Variants in AFF1 observed in about 807,000 individuals in gnomAD.
AFF1 encodes ALF transcription elongation factor 1.
In AFF1, 48 loss-of-function variants were observed where a neutral mutation model predicts 121.7. The ratio of observed to expected loss-of-function variants is 0.39; its 90% confidence interval spans 0.31 to 0.50. The LOEUF (loss-of-function observed/expected upper bound fraction) is 0.50. Ranked by LOEUF, AFF1 falls within the 20% of genes least tolerant of loss-of-function variation. The probability of loss-of-function intolerance (pLI) is 0.76; values close to 1 mark genes in which losing one functional copy is unlikely to be tolerated. For missense variants in AFF1, 1,523 were observed against 1,511.7 expected (o/e 1.01, Z -0.12); for synonymous variants, 613 against 563.0 (o/e 1.09, Z -1.26).
At chr4:87,049,691 C>G (rs1281543004) in intron 4 of AFF1, 1 of 456,214 alleles carries the variant, frequency 2.2e-6, no homozygotes, top group South Asian at 1.5e-5. Context: ...TCCCTCTGGT[C>G]TCGGCCCGAG....
chr4:86,993,645 A>G (rs1724894433), intron 2 of AFF1, among the ~76,000 whole-genome samples: 1 of 152,164 alleles, frequency 6.6e-6, no homozygotes, highest in South Asian at 2.1e-4. Context: ...CAATGAGTAT[A>G]TGAATCACCT....
chr4:87,134,910 A>G (rs775452614), intron 20 of AFF1, among the ~76,000 whole-genome samples: 76 of 152,192 alleles, frequency 5.0e-4, no homozygotes, highest in Non-Finnish European at 8.8e-4. Flanking sequence ...GATCTTAGCA[A>G]AACCAAAATA....
intron 2 of AFF1, among the ~76,000 whole-genome samples, chr4:87,022,331 C>CA (rs1727985436): frequency 1.3e-5 from 2 of 150,776 alleles, no homozygotes; most frequent in Non-Finnish European, 2.9e-5. Context: ...AGGTAGTTAA[C>CA]AGAGATATTA....
intron 1 of AFF1, among the ~76,000 whole-genome samples, chr4:86,938,087 C>CT (rs907436390): frequency 2.0e-5 from 3 of 152,154 alleles, no homozygotes; most frequent in Non-Finnish European, 4.4e-5. Flanking sequence ...TCCTTTATTT[C>CT]AAGGCTCTAG....
At chr4:86,984,064 G>A (rs1450106220) in intron 2 of AFF1, among the ~76,000 whole-genome samples, 2 of 151,984 alleles carry the variant, frequency 1.3e-5, no homozygotes, top group East Asian at 1.9e-4. Context: ...AAAAAGAAAT[G>A]CTTTGCCAAT....
intron 1 of AFF1, among the ~76,000 whole-genome samples, chr4:86,939,022 A>G (rs1720256271): frequency 6.6e-6 from 1 of 152,276 alleles, no homozygotes; most frequent in Non-Finnish European, 1.5e-5. Context: ...CATCATTAAT[A>G]TAGTATCTCA....
chr4:87,092,484 G>A (rs1724415655), intron 7 of AFF1, among the ~76,000 whole-genome samples: 1 of 152,122 alleles, frequency 6.6e-6, no homozygotes, highest in Non-Finnish European at 1.5e-5. Flanking sequence ...TTTTTATAAG[G>A]AATATGACAT....
At chr4:86,938,187 C>G (rs933909849) in intron 1 of AFF1, among the ~76,000 whole-genome samples, 2 of 152,068 alleles carry the variant, frequency 1.3e-5, no homozygotes, top group South Asian at 2.1e-4. Context: ...TGGTGGCTCA[C>G]GCCTGTAATC....
intron 5 of AFF1, among the ~76,000 whole-genome samples, chr4:87,085,841 C>G (rs566432608): frequency 1.3e-5 from 2 of 151,168 alleles, no homozygotes; most frequent in African/African-American, 4.9e-5. Context: ...TGGGTTCAAG[C>G]GATTCTTGTG....
intron 2 of AFF1, among the ~76,000 whole-genome samples, chr4:86,992,286 A>G (rs1315523651): frequency 6.6e-6 from 1 of 152,142 alleles, no homozygotes; most frequent in Non-Finnish European, 1.5e-5. Flanking sequence ...GGATGGTGAC[A>G]TTGTACTTGG....
intron 2 of AFF1, chr4:86,949,541 T>TA (rs61382977): frequency 0.31 from 60,667 of 195,096 alleles, 9,054 homozygotes; most frequent in South Asian, 0.38. Flanking sequence ...ATTATTATTT[T>TA]TTTTTTTTTT....
intron 15 of AFF1, 62 bp downstream of exon 15, chr4:87,127,179 A>G (rs1340176620): frequency 2.0e-6 from 2 of 1,023,908 alleles, no homozygotes; most frequent in Admixed American, 2.2e-5. Flanking sequence ...CCCCCCCACC[A>G]AGATAGAGTC....
At chr4:87,111,852 T>G (rs749426624) in intron 11 of AFF1, among the ~76,000 whole-genome samples, 2 of 152,178 alleles carry the variant, frequency 1.3e-5, no homozygotes, top group Non-Finnish European at 2.9e-5. Flanking sequence ...TTTTTAGGAC[T>G]GTAGTGGAAG....
chr4:87,070,739 A>G (rs1374237905), intron 4 of AFF1, among the ~76,000 whole-genome samples: 1 of 152,258 alleles, frequency 6.6e-6, no homozygotes, highest in Non-Finnish European at 1.5e-5. Flanking sequence ...AAATTTCAAA[A>G]TAATTTTCCT....
intron 2 of AFF1, among the ~76,000 whole-genome samples, chr4:86,992,792 A>G (rs1014097207): frequency 6.6e-6 from 1 of 152,254 alleles, no homozygotes; most frequent in African/African-American, 2.4e-5. Flanking sequence ...GTATAAAATG[A>G]CAAGATTTAA....
chr4:86,975,664 A>G (rs1723250985), intron 2 of AFF1, among the ~76,000 whole-genome samples: 1 of 152,084 alleles, frequency 6.6e-6, no homozygotes, highest in Non-Finnish European at 1.5e-5. Context: ...TTCTCCCCCC[A>G]AGGAACTAAT....
chr4:86,960,168 T>G (rs1279035938), intron 2 of AFF1, among the ~76,000 whole-genome samples: 1 of 152,186 alleles, frequency 6.6e-6, no homozygotes, highest in African/African-American at 2.4e-5. Flanking sequence ...GCTCTTCGTT[T>G]GAATTTTGAC....
chr4:87,130,541 C>T (rs1336596531), intron 16 of AFF1, among the ~76,000 whole-genome samples: 1 of 152,106 alleles, frequency 6.6e-6, no homozygotes, highest in Non-Finnish European at 1.5e-5. Flanking sequence ...AAATGTTACC[C>T]CTGTTGGCCT....
intron 4 of AFF1, among the ~76,000 whole-genome samples, chr4:87,070,448 T>C (rs1721916635): frequency 6.6e-6 from 1 of 152,282 alleles, no homozygotes. Flanking sequence ...TTTCTTCATC[T>C]TTCAAACTCT....
Sources: allele counts gnomAD v4.1 joint callset (sites outside exome capture counted in the v4.1 genomes callset), GRCh38; gene constraint gnomAD v4.1.1; transcripts MANE v1.5; gene names NCBI Gene and HGNC (gene_info 2026-07-23, HGNC 2026-07-21).